Variants in METTL15 observed in about 807,000 individuals in gnomAD.
The protein encoded by METTL15 is 12S rRNA N(4)-cytidine methyltransferase METTL15.
Under a neutral mutation model 38.3 loss-of-function variants are expected in METTL15, and 34 were observed. That is an observed-to-expected ratio of 0.89 (90% CI 0.68 to 1.18). METTL15 has a LOEUF of 1.18. Among genes scored for constraint, METTL15 ranks in the 50% most tolerant of loss-of-function variants. The pLI is 0.00. For synonymous variants in METTL15, 162 were observed against 170.9 expected, an observed-to-expected ratio of 0.95 and a Z score of 0.41; for missense variants, 438 against 498.4, an observed-to-expected ratio of 0.88 and a Z score of 1.15.
At chr11:28,400,215 T>C (rs1850617631) in intron 5 of METTL15, among the ~76,000 whole-genome samples, 1 of 143,764 alleles carries the variant, frequency 7.0e-6, no homozygotes, top group Non-Finnish European at 1.6e-5. Flanking sequence ...GTGTAGCATT[T>C]TATAAAGCAA....
chr11:28,238,584 T>C (rs998273184), intron 4 of METTL15, among the ~76,000 whole-genome samples: 2 of 152,226 alleles, frequency 1.3e-5, no homozygotes, highest in Non-Finnish European at 2.9e-5. Context: ...CTCGCCCTGC[T>C]TTGGCTGGCA....
At chr11:28,298,053 CAT>C (rs1856798899) in intron 6 of METTL15, among the ~76,000 whole-genome samples, 1 of 151,862 alleles carries the variant, frequency 6.6e-6, no homozygotes, top group East Asian at 1.9e-4. Context: ...TTTTAAGCCA[CAT>C]ATCTCAGGGC....
chr11:28,158,679 C>T (rs949050868), intron 3 of METTL15, among the ~76,000 whole-genome samples: 4 of 152,166 alleles, frequency 2.6e-5, no homozygotes, highest in Admixed American at 1.3e-4. Context: ...CCATATCCAA[C>T]GTCATGGTAT....
intron 3 of METTL15, among the ~76,000 whole-genome samples, chr11:28,197,051 A>G (rs1018859945): frequency 6.6e-6 from 1 of 152,026 alleles, no homozygotes; most frequent in African/African-American, 2.4e-5. Context: ...CATTTAAAAA[A>G]TCATCTGTTA....
intron 4 of METTL15, among the ~76,000 whole-genome samples, chr11:28,235,880 G>T (rs1258806395): frequency 1.3e-5 from 2 of 152,086 alleles, no homozygotes; most frequent in Admixed American, 1.3e-4. Flanking sequence ...TCCGTGTCTT[G>T]TGCCAGTTTT....
At chr11:28,194,191 T>C (rs142796837) in intron 3 of METTL15, among the ~76,000 whole-genome samples, 2 of 10,098 alleles carry the variant, frequency 2.0e-4, no homozygotes, top group South Asian at 6.2e-3. Flanking sequence ...TCTCTCTCTC[T>C]CCTCTCTCTC....
At chr11:28,155,714 T>C (rs965600014) in intron 3 of METTL15, among the ~76,000 whole-genome samples, 1 of 152,190 alleles carries the variant, frequency 6.6e-6, no homozygotes, top group Non-Finnish European at 1.5e-5. Flanking sequence ...TTCTGGCTTT[T>C]TTGTGTGCCT....
At chr11:28,389,633 G>A (rs939513390) in intron 5 of METTL15, among the ~76,000 whole-genome samples, 2 of 151,842 alleles carry the variant, frequency 1.3e-5, no homozygotes, top group Non-Finnish European at 2.9e-5. Flanking sequence ...GTCTATCATT[G>A]TTGGGCATTT....
intron 5 of METTL15, among the ~76,000 whole-genome samples, chr11:28,410,057 T>G (rs1394665005): frequency 6.6e-6 from 1 of 152,080 alleles, no homozygotes; most frequent in Admixed American, 6.6e-5. Context: ...TTCTCAAGAT[T>G]CAGTCAGGAA....
chr11:28,156,618 A>T (rs941617855), intron 3 of METTL15, among the ~76,000 whole-genome samples: 7 of 152,088 alleles, frequency 4.6e-5, no homozygotes, highest in Admixed American at 6.6e-5. Flanking sequence ...ATTCCCAGGG[A>T]GAAGGGAAAG....
chr11:28,406,290 C>A (rs1257570061), intron 5 of METTL15, among the ~76,000 whole-genome samples: 1 of 152,070 alleles, frequency 6.6e-6, no homozygotes, highest in East Asian at 1.9e-4. Context: ...AGAGGTTATT[C>A]ATTTCCCTTG....
intron 3 of METTL15, among the ~76,000 whole-genome samples, chr11:28,205,519 G>A (rs1852295522): frequency 6.6e-6 from 1 of 152,098 alleles, no homozygotes; most frequent in South Asian, 2.1e-4. Flanking sequence ...ATGGACATTT[G>A]AGTTGGTTCC....
At chr11:28,391,080 G>T (rs1473739360) in intron 5 of METTL15, among the ~76,000 whole-genome samples, 3 of 152,102 alleles carry the variant, frequency 2.0e-5, no homozygotes, top group Admixed American at 6.6e-5. Context: ...CATTGATTTT[G>T]TATCCTGAGA....
chr11:28,140,267 A>G (rs1565119607), intron 3 of METTL15, among the ~76,000 whole-genome samples: 1 of 152,198 alleles, frequency 6.6e-6, no homozygotes, highest in African/African-American at 2.4e-5. Context: ...CTTTAACATT[A>G]TAAAAGAAGA....
At chr11:28,231,261 C>G (rs1853674457) in intron 4 of METTL15, among the ~76,000 whole-genome samples, 1 of 151,664 alleles carries the variant, frequency 6.6e-6, no homozygotes, top group Non-Finnish European at 1.5e-5. Context: ...AATACCAAGG[C>G]AGTATGCTTT....
chr11:28,217,616 G>C (rs1410094849), intron 4 of METTL15, among the ~76,000 whole-genome samples: 1 of 152,128 alleles, frequency 6.6e-6, no homozygotes, highest in African/African-American at 2.4e-5. Context: ...TGGTGTTTTA[G>C]ATATGAAATC....
chr11:28,238,365 G>T (rs552223437), intron 4 of METTL15, among the ~76,000 whole-genome samples: 1 of 152,280 alleles, frequency 6.6e-6, no homozygotes, highest in South Asian at 2.1e-4. Flanking sequence ...TCAGACTGCC[G>T]TGCTAGCAAT....
chr11:28,278,196 G>C (rs926844720), intron 4 of METTL15, among the ~76,000 whole-genome samples: 1 of 152,036 alleles, frequency 6.6e-6, no homozygotes, highest in South Asian at 2.1e-4. Flanking sequence ...GAGAGAATTC[G>C]TGTGGGTGTC....
Position 28,345,294 on chromosome 11 carries a change from T to C in METTL15, c.*190-6796T>C, listed in dbSNP as rs1341839925. ...ACCTCCACCTCCCAGGTTCAAGCGA[T>C]TCTTGTATCTCAGCCTCCAGAGTAG... On this transcript the variant is annotated intron_variant and NMD_transcript_variant, in intron 3 of 7. Coordinates refer to the METTL15 transcript ENST00000532947. Among the ~76,000 whole-genome samples the C allele has an allele frequency of 2.0e-5, 3 of 152,168 alleles. No homozygotes were observed. In the East Asian group the frequency reaches 5.8e-4, roughly 29 times the overall value.
Sources: gnomAD v4.1 joint callset for allele counts (sites outside exome capture counted in the v4.1 genomes callset) on GRCh38, gnomAD v4.1.1 for gene constraint, MANE v1.5 for transcripts, NCBI Gene and HGNC (gene_info 2026-07-23, HGNC 2026-07-21) for gene names.